Variants in ALG9 observed in about 807,000 individuals in gnomAD.
The protein encoded by ALG9 is alpha-1,2-mannosyltransferase ALG9.
In ALG9, 55 loss-of-function variants were observed where a neutral mutation model predicts 81.8. That is an observed-to-expected ratio of 0.67 (90% CI 0.54 to 0.84). ALG9 has a LOEUF of 0.84. ALG9 is among the 40% of genes least tolerant of loss of function. ALG9 has a pLI of 0.00. For missense variants in ALG9, 629 were observed against 745.0 expected (o/e 0.84, Z 1.81); for synonymous variants, 278 against 274.3 (o/e 1.01, Z -0.13).
intron 5 of ALG9, 93 bp from the exon 6 acceptor site, chr11:111,857,830 T>C: frequency 2.8e-6 from 4 of 1,405,950 alleles, no homozygotes; most frequent in Non-Finnish European, 3.9e-6. Flanking sequence ...TTACCTACAT[T>C]ATAAAATGTC....
chr11:111,820,224 A>C (rs1038583922), intron 13 of ALG9, among the ~76,000 whole-genome samples: 4 of 152,248 alleles, frequency 2.6e-5, no homozygotes, highest in Admixed American at 6.5e-5. Flanking sequence ...ACTTAAGAGC[A>C]ACTGTCTTAG....
chr11:111,844,920 C>T (rs1347476545), intron 8 of ALG9, among the ~76,000 whole-genome samples, 197 bp from the exon 9 acceptor site: 8 of 152,152 alleles, frequency 5.3e-5, no homozygotes, highest in Non-Finnish European at 1.0e-4. Flanking sequence ...TGGGATTGGT[C>T]ATGAGGATTT....
At chr11:111,856,276 C>CAAAAA (rs1175162630) in intron 6 of ALG9, among the ~76,000 whole-genome samples, 15 of 38,496 alleles carry the variant, frequency 3.9e-4, no homozygotes, top group East Asian at 7.7e-4. Context: ...GACTCCATCT[C>CAAAAA]AAAAAAAAAA....
At chr11:111,851,832 G>C (rs576449657) in intron 8 of ALG9, among the ~76,000 whole-genome samples, 4 of 152,292 alleles carry the variant, frequency 2.6e-5, no homozygotes, top group African/African-American at 9.6e-5. Context: ...GAGACATCTA[G>C]AGGCAAAAGC....
chr11:111,857,067 A>G (rs1958816823), intron 6 of ALG9, among the ~76,000 whole-genome samples: 1 of 152,200 alleles, frequency 6.6e-6, no homozygotes, highest in Admixed American at 6.5e-5. Context: ...ACATCGTGCC[A>G]TTGCACTCCA....
At chr11:111,807,695 G>C (rs1423698739) in intron 14 of ALG9, among the ~76,000 whole-genome samples, 2 of 152,094 alleles carry the variant, frequency 1.3e-5, no homozygotes, top group African/African-American at 4.8e-5. Flanking sequence ...TTTGTTAAGG[G>C]CCAGGTGTGG....
At chr11:111,770,230 C>G in the ALG9 span, among the ~76,000 whole-genome samples, 1 of 152,212 alleles carries the variant, frequency 6.6e-6, no homozygotes, top group African/African-American at 2.4e-5. Context: ...CCCAGACCTA[C>G]TGAATTAGAG....
downstream of ALG9, among the ~76,000 whole-genome samples, chr11:111,778,903 C>T (rs1384942191): frequency 4.0e-5 from 6 of 151,876 alleles, no homozygotes; most frequent in Non-Finnish European, 7.4e-5. Flanking sequence ...CAACCTCCGC[C>T]TCCCAGATTC....
chr11:111,809,516 T>TCA, intron 14 of ALG9, 127 bp downstream of exon 14: 1 of 753,798 alleles, frequency 1.3e-6, no homozygotes, highest in Non-Finnish European at 1.9e-6. Context: ...TGAGACTCCA[T>TCA]TACACACACA....
intron 13 of ALG9, among the ~76,000 whole-genome samples, chr11:111,812,915 C>CAAAAAAAAAAAAAAA (rs57311061): frequency 2.0e-5 from 2 of 98,766 alleles, no homozygotes; most frequent in Non-Finnish European, 1.9e-5. Flanking sequence ...GACTCTGTCT[C>CAAAAAAAAAAAAAAA]AAAAAAAAAA....
intron 14 of ALG9, among the ~76,000 whole-genome samples, chr11:111,808,889 C>A (rs141296794): frequency 1.1e-4 from 16 of 152,344 alleles, no homozygotes; most frequent in African/African-American, 3.8e-4. Context: ...AATTCTGAGA[C>A]CTTTCTGAAG....
chr11:111,841,965 C>T (rs1308623720), intron 9 of ALG9, among the ~76,000 whole-genome samples: 2 of 152,132 alleles, frequency 1.3e-5, no homozygotes, highest in African/African-American at 4.8e-5. Context: ...GGCACAATCT[C>T]GGCTCACTGC....
chr11:111,860,837 A>G (rs1198198587), intron 4 of ALG9, among the ~76,000 whole-genome samples: 1 of 152,192 alleles, frequency 6.6e-6, no homozygotes, highest in African/African-American at 2.4e-5. Context: ...TCCCTACCTA[A>G]AAGAAAATGT....
At chr11:111,870,144 C>A (rs2137291547) in intron 2 of ALG9, 88 bp downstream of exon 2, 1 of 1,380,086 alleles carries the variant, frequency 7.2e-7, no homozygotes, top group Non-Finnish European at 9.8e-7. Flanking sequence ...CTAGGAGTCA[C>A]ACTTGTATAT....
At chr11:111,804,819 G>C (rs1442010799) in intron 14 of ALG9, among the ~76,000 whole-genome samples, 1 of 152,222 alleles carries the variant, frequency 6.6e-6, no homozygotes, top group African/African-American at 2.4e-5. Flanking sequence ...ATGGCTGCAA[G>C]GATGTGGAGC....
Position 111,850,382 on chromosome 11 carries a change from C to T in ALG9, c.895+2998G>A, listed in dbSNP as rs556677701. Among the ~76,000 whole-genome samples, 63 of 152,140 alleles carry T rather than the reference C, an allele frequency of 4.1e-4. 1 individual carries two copies. The South Asian group carries it at 0.013, about 31-fold the overall frequency. On this transcript the variant is annotated intron_variant, in intron 8 of 14. Coordinates refer to ENST00000616540, the MANE Select transcript of ALG9 (RefSeq NM_024740.2). ...AAGAAGTATTCTCTCTGCAGGCCTC[C>T]TAAACCAAAAAGGAGTTAACACTCT...
chr11:111,859,564 C>G (rs1304004888), intron 5 of ALG9, among the ~76,000 whole-genome samples: 1 of 151,738 alleles, frequency 6.6e-6, no homozygotes, highest in Non-Finnish European at 1.5e-5. Context: ...TAAAAAACAT[C>G]TGAGGTACAC....
intron 14 of ALG9, among the ~76,000 whole-genome samples, chr11:111,799,282 G>A (rs543584464): frequency 1.3e-5 from 2 of 152,216 alleles, no homozygotes; most frequent in Admixed American, 6.5e-5. Flanking sequence ...GAGTAGCTGG[G>A]ACTACAGGCA....
At chr11:111,781,497 T>C (rs1945937071), downstream of ALG9, among the ~76,000 whole-genome samples, 2 of 152,208 alleles carry the variant, frequency 1.3e-5, no homozygotes, top group Admixed American at 6.5e-5. Context: ...ATTACCTAAG[T>C]GTTAGATATA....
Sources: allele counts gnomAD v4.1 joint callset (sites outside exome capture counted in the v4.1 genomes callset), GRCh38; gene constraint gnomAD v4.1.1; transcripts MANE v1.5; gene names NCBI Gene and HGNC (gene_info 2026-07-23, HGNC 2026-07-21).